The following TENM3 variants were observed in gnomAD, a reference collection of about 807,000 sequenced individuals.
TENM3 encodes teneurin transmembrane protein 3.
Under a neutral mutation model 255.1 loss-of-function variants are expected in TENM3, and 63 were observed. The ratio of observed to expected loss-of-function variants is 0.25; its 90% CI spans 0.20 to 0.30. The LOEUF (loss-of-function observed/expected upper bound fraction) is 0.30. Ranked by LOEUF, TENM3 falls within the 10% of genes least tolerant of loss-of-function variation. The pLI, the probability that TENM3 is intolerant of heterozygous loss-of-function variation, is 1.00. For missense variants in TENM3, 2,929 were observed against 3,461.1 expected (o/e 0.85, Z 3.86); for synonymous variants, 1,306 against 1,322.3 (o/e 0.99, Z 0.27).
At chr4:181,929,571 A>C in the TENM3 span, among the ~76,000 whole-genome samples, 4 of 152,194 alleles carry the variant, frequency 2.6e-5, no homozygotes, top group Non-Finnish European at 5.9e-5. Context: ...AGACTCCCAC[A>C]CAATAATGGT....
intron 1 of TENM3, among the ~76,000 whole-genome samples, chr4:182,254,257 A>G (rs1758226973): frequency 6.6e-6 from 1 of 151,976 alleles, no homozygotes; most frequent in South Asian, 2.1e-4. Context: ...ACAGTTCTCT[A>G]AGGACCCATG....
the TENM3 span, among the ~76,000 whole-genome samples, chr4:181,675,467 G>A: frequency 6.6e-6 from 1 of 152,060 alleles, no homozygotes; most frequent in South Asian, 2.1e-4. Context: ...TGCAATTTGG[G>A]AAATAAACAT....
chr4:181,476,661 G>T, the TENM3 span, among the ~76,000 whole-genome samples: 1 of 152,154 alleles, frequency 6.6e-6, no homozygotes, highest in African/African-American at 2.4e-5. Context: ...AAGCTTAAAA[G>T]AATGCACAGC....
chr4:182,714,010 G>C (rs1758954555), intron 12 of TENM3, 77 bp from the exon 13 acceptor site: 2 of 1,227,424 alleles, frequency 1.6e-6, no homozygotes, highest in South Asian at 1.3e-5. Flanking sequence ...TTCCCACTAA[G>C]TGTCCCTTAT....
rs1016563035 is a variant in TENM3, at chr4:182,800,055, G to A, written c.7804G>A (p.Ala2602Thr). The A allele has an allele frequency of 6.2e-7, 1 of 1,602,572 alleles. No homozygotes were observed. The highest frequency in any genetic ancestry group is 8.5e-7 in the Non-Finnish European group (1 of 1,175,424). Residue 2602 changes from alanine (A) to threonine (T), a missense_variant, in exon 28 of 28, where the codon GCG (alanine) becomes ACG (threonine). Physicochemically the swap from Ala to Thr is moderately conservative, Grantham distance 58. This residue lies in a region of TENM3 where 476 missense variants were observed against 480.1 expected (regional missense o/e 0.99). Transcript: ENST00000511685. ...RFADVEMQFG[A>T]LALHVRYGMT... ...CGCGGACGTGGAGATGCAGTTCGGC[G>A]CGCTGGCGCTGCACGTGCGCTACGG... is the stretch of plus-strand genomic sequence containing the variant.
At chr4:181,723,864 C>T in the TENM3 span, among the ~76,000 whole-genome samples, 1 of 152,130 alleles carries the variant, frequency 6.6e-6, no homozygotes, top group Non-Finnish European at 1.5e-5. Flanking sequence ...GAGAAAAGAA[C>T]ATTTTTTATT....
At chr4:182,115,148 T>C in the TENM3 span, among the ~76,000 whole-genome samples, 150 of 152,244 alleles carry the variant, frequency 9.9e-4, no homozygotes, top group African/African-American at 3.4e-3. Flanking sequence ...GCCCCTGCAC[T>C]CCAGCCTAGG....
At chr4:182,281,047 A>G (rs1254196325) in intron 1 of TENM3, among the ~76,000 whole-genome samples, 1 of 151,774 alleles carries the variant, frequency 6.6e-6, no homozygotes, top group Non-Finnish European at 1.5e-5. Context: ...TCTCCTACAA[A>G]CTCCTCCTGT....
At chr4:181,627,073 T>C in the TENM3 span, among the ~76,000 whole-genome samples, 1 of 152,096 alleles carries the variant, frequency 6.6e-6, no homozygotes, top group Non-Finnish European at 1.5e-5. Context: ...CTGACTCTAG[T>C]GGCTAATTAA....
At chr4:181,594,639 G>A in the TENM3 span, among the ~76,000 whole-genome samples, 1 of 152,054 alleles carries the variant, frequency 6.6e-6, no homozygotes, top group African/African-American at 2.4e-5. Context: ...CAGCCTCAAC[G>A]GGTTCCATGG....
At chr4:181,516,831 A>G in the TENM3 span, among the ~76,000 whole-genome samples, 1 of 152,108 alleles carries the variant, frequency 6.6e-6, no homozygotes, top group Admixed American at 6.5e-5. Flanking sequence ...GCCAGGTTGT[A>G]TCCTAACCAT....
chr4:181,461,620 T>C, the TENM3 span, among the ~76,000 whole-genome samples: 1 of 152,176 alleles, frequency 6.6e-6, no homozygotes, highest in Admixed American at 6.5e-5. Context: ...TCAATAGTTT[T>C]TTCTATTGCA....
At chr4:182,251,153 GA>G (rs899420858) in intron 1 of TENM3, among the ~76,000 whole-genome samples, 16 of 152,190 alleles carry the variant, frequency 1.1e-4, no homozygotes, top group Admixed American at 2.6e-4. Flanking sequence ...TTTGGGAACT[GA>G]AAAAAACCTT....
chr4:181,889,709 G>C, the TENM3 span, among the ~76,000 whole-genome samples: 1 of 152,184 alleles, frequency 6.6e-6, no homozygotes, highest in Non-Finnish European at 1.5e-5. Flanking sequence ...CCTTGGAACT[G>C]TGCCTTCCAT....
At chr4:181,759,091 G>T in the TENM3 span, among the ~76,000 whole-genome samples, 1 of 152,054 alleles carries the variant, frequency 6.6e-6, no homozygotes, top group African/African-American at 2.4e-5. Context: ...TATAACAGTT[G>T]CCTCACATAA....
At chr4:182,448,966 G>A (rs1278833718) in intron 3 of TENM3, 2 of 394,974 alleles carry the variant, frequency 5.1e-6, no homozygotes, top group Non-Finnish European at 1.0e-5. Context: ...ATGTCTGGCC[G>A]CCGCGCGCAG....
the TENM3 span, among the ~76,000 whole-genome samples, chr4:181,757,070 C>A: frequency 1.3e-5 from 2 of 152,062 alleles, no homozygotes; most frequent in Non-Finnish European, 2.9e-5. Flanking sequence ...TGTAAACCCG[C>A]CATCACAAAT....
chr4:182,496,756 C>G (rs964259666), intron 3 of TENM3, among the ~76,000 whole-genome samples: 2 of 152,104 alleles, frequency 1.3e-5, no homozygotes, highest in Admixed American at 6.6e-5. Context: ...TACGATTTAT[C>G]ATAAAAACCT....
At chr4:181,644,247 G>A in the TENM3 span, among the ~76,000 whole-genome samples, 6 of 152,004 alleles carry the variant, frequency 3.9e-5, no homozygotes, top group African/African-American at 7.2e-5. Flanking sequence ...GATAGAGCCC[G>A]TAATAGTTTC....
Sources: allele counts gnomAD v4.1 joint callset (sites outside exome capture counted in the v4.1 genomes callset), GRCh38; gene constraint gnomAD v4.1.1; regional missense constraint gnomAD v4.1.1; transcripts MANE v1.5; gene names NCBI Gene and HGNC (gene_info 2026-07-23, HGNC 2026-07-21).